The following VPS41 variants were observed in gnomAD, a reference collection of about 807,000 sequenced individuals.
VPS41 encodes vacuolar protein sorting-associated protein 41 homolog.
VPS41 carries 85 observed loss-of-function variants against 130.9 expected under a neutral mutation model. The observed-to-expected ratio is 0.65, with a 90% CI of 0.55 to 0.78. The LOEUF is 0.78. Among genes scored for constraint, VPS41 ranks in the 30% least tolerant of loss-of-function variants. The pLI is 0.00. For synonymous variants in VPS41, 335 were observed against 332.9 expected, an observed-to-expected ratio of 1.01 and a Z score of -0.07; for missense variants, 874 against 1,018.7, an observed-to-expected ratio of 0.86 and a Z score of 1.93.
chr7:38,739,056 T>C (rs1278939385), intron 25 of VPS41, among the ~76,000 whole-genome samples: 2 of 152,218 alleles, frequency 1.3e-5, no homozygotes, highest in Non-Finnish European at 2.9e-5. Context: ...TAATGAATGA[T>C]CTCCCAAAGC....
At chr7:38,889,997 T>C (rs1786826489) in intron 2 of VPS41, among the ~76,000 whole-genome samples, 1 of 152,160 alleles carries the variant, frequency 6.6e-6, no homozygotes, top group Admixed American at 6.5e-5. Flanking sequence ...TGGACACCAG[T>C]AGACTGTGAT....
chr7:38,775,935 T>TA (rs1784250926), intron 11 of VPS41, among the ~76,000 whole-genome samples: 2 of 152,140 alleles, frequency 1.3e-5, no homozygotes, highest in African/African-American at 4.8e-5. Context: ...AAGAAAATCC[T>TA]TTACAGTATG....
chr7:38,861,457 T>A (rs1786111029), intron 4 of VPS41, among the ~76,000 whole-genome samples: 1 of 152,074 alleles, frequency 6.6e-6, no homozygotes, highest in Admixed American at 6.6e-5. Flanking sequence ...AGAGGGAAGG[T>A]CAAAAGTATA....
chr7:38,880,329 ATACAT>A (rs1472428158), intron 2 of VPS41, among the ~76,000 whole-genome samples: 10 of 152,238 alleles, frequency 6.6e-5, no homozygotes, highest in Non-Finnish European at 1.0e-4. Flanking sequence ...AAAGATGAAG[ATACAT>A]TACTTTTTAT....
intron 2 of VPS41, among the ~76,000 whole-genome samples, chr7:38,896,914 C>G (rs1029399312): frequency 6.6e-6 from 1 of 152,206 alleles, no homozygotes; most frequent in Non-Finnish European, 1.5e-5. Flanking sequence ...TATGCTTGGG[C>G]CAGGTGCAGT....
chr7:38,902,709 G>T lies in VPS41; in HGVS notation c.22-4580C>A, dbSNP rs183346421. ...TTCCTCATGTCACTCCCTCCATTTAGAAGGCCCCTGGCCCCATCCTGCACT... is the reference window on the plus strand; with the variant it reads ...TTCCTCATGTCACTCCCTCCATTTATAAGGCCCCTGGCCCCATCCTGCACT... On this transcript the variant is annotated intron_variant, in intron 1 of 28. Coordinates refer to ENST00000310301, the MANE Select transcript of VPS41 (RefSeq NM_014396.4). Among the ~76,000 whole-genome samples, 214 of 152,208 alleles carry T rather than the reference G, an allele frequency of 1.4e-3. 5 individuals carry two copies. Among genetic ancestry groups the T allele is most frequent in the Admixed American group, 0.014 (210 of 15,290 alleles).
intron 9 of VPS41, among the ~76,000 whole-genome samples, chr7:38,790,216 C>T (rs1784511085): frequency 6.6e-6 from 1 of 152,096 alleles, no homozygotes; most frequent in Non-Finnish European, 1.5e-5. Context: ...TTAACTGTAA[C>T]TATGGTATGG....
At chr7:38,762,172 A>G (rs1783935356) in intron 17 of VPS41, among the ~76,000 whole-genome samples, 1 of 152,176 alleles carries the variant, frequency 6.6e-6, no homozygotes, top group Non-Finnish European at 1.5e-5. Context: ...TCTCTGTTCA[A>G]CTGGCTTTGT....
At chr7:38,873,484 C>G (rs1786419028) in intron 2 of VPS41, among the ~76,000 whole-genome samples, 1 of 152,032 alleles carries the variant, frequency 6.6e-6, no homozygotes, top group Non-Finnish European at 1.5e-5. Context: ...GTTTGGACTT[C>G]CACGGTAAAC....
In VPS41 at chr7:38,796,988, TGTAGACTTACAGTA is replaced by T; in HGVS notation, c.451-138_451-125del. On this transcript the variant is annotated intron_variant, in intron 7 of 28. Transcript: ENST00000310301. ...AACAAGTCACTCTCGACGTCTTTAA[TGTAGACTTACAGTA>T]GTATGTTATTTGTACCTTGGAAAGA... is the stretch of plus-strand genomic sequence containing the variant. 4.7e-6 allele frequency: 5 copies of T among 1,072,026 alleles called. No homozygotes were observed. The South Asian group carries it at 7.2e-5, about 15-fold the overall frequency. 66.4% of individuals were successfully genotyped at this position (1,072,026 alleles called of 1,614,324 possible). A position where few individuals can be genotyped will look rare whatever the true frequency, so the allele number is the denominator to read the frequency against.
At chr7:38,819,692 TG>T (rs1785131683) in intron 6 of VPS41, among the ~76,000 whole-genome samples, 1 of 152,126 alleles carries the variant, frequency 6.6e-6, no homozygotes, top group Admixed American at 6.5e-5. Flanking sequence ...CTCTCTCCCC[TG>T]GCTTCTCTGA....
At chr7:38,734,401 G>A (rs977367568) in intron 25 of VPS41, among the ~76,000 whole-genome samples, 5 of 151,714 alleles carry the variant, frequency 3.3e-5, no homozygotes, top group South Asian at 2.1e-4. Context: ...TTCCCTTTTC[G>A]TCATTTTGAA....
intron 1 of VPS41, among the ~76,000 whole-genome samples, chr7:38,907,602 G>A (rs1223214789): frequency 2.0e-5 from 3 of 152,166 alleles, no homozygotes; most frequent in Admixed American, 6.5e-5. Flanking sequence ...ATGTACAAAT[G>A]TGAAACATTA....
chr7:38,796,369 G>A (rs985105570), intron 8 of VPS41: 1 of 424,638 alleles, frequency 2.4e-6, no homozygotes, highest in Non-Finnish European at 4.6e-6. Flanking sequence ...GAGTAAAAGA[G>A]AAATCAGCAA....
intron 4 of VPS41, among the ~76,000 whole-genome samples, chr7:38,861,992 A>C (rs1176817281): frequency 6.6e-6 from 1 of 152,244 alleles, no homozygotes; most frequent in African/African-American, 2.4e-5. Flanking sequence ...CAAGGTGATC[A>C]ATCAATTTTC....
At chr7:38,800,951 A>T (rs1784714138) in intron 7 of VPS41, among the ~76,000 whole-genome samples, 1 of 152,260 alleles carries the variant, frequency 6.6e-6, no homozygotes, top group Non-Finnish European at 1.5e-5. Flanking sequence ...TTTCAAATAA[A>T]ACATTAACTT....
intron 22 of VPS41, among the ~76,000 whole-genome samples, chr7:38,750,285 T>C (rs1220405639): frequency 6.6e-6 from 1 of 152,188 alleles, no homozygotes. Context: ...TCTACAAATA[T>C]ACAGATTTCC....
intron 19 of VPS41, 51 bp downstream of exon 19, chr7:38,756,787 T>C (rs904969567): frequency 1.5e-6 from 2 of 1,302,304 alleles, no homozygotes; most frequent in Non-Finnish European, 2.1e-6. Flanking sequence ...AAGTATTAAA[T>C]ATTTGGAATA....
At chr7:38,813,482 C>T (rs962011913) in intron 7 of VPS41, among the ~76,000 whole-genome samples, 24 of 152,140 alleles carry the variant, frequency 1.6e-4, no homozygotes, top group Admixed American at 1.2e-3. Flanking sequence ...ATATTAAAAA[C>T]GACTAAACAG....
Sources: gnomAD v4.1 joint callset for allele counts (sites outside exome capture counted in the v4.1 genomes callset) on GRCh38, gnomAD v4.1.1 for gene constraint, MANE v1.5 for transcripts, NCBI Gene and HGNC (gene_info 2026-07-23, HGNC 2026-07-21) for gene names.